Variants in GPR55 observed in about 807,000 individuals in gnomAD.
GPR55 encodes G protein-coupled receptor 55.
In GPR55, 6 loss-of-function variants were observed where a neutral mutation model predicts 7.9. That is an observed-to-expected ratio of 0.76 (90% CI 0.41 to 1.49). The LOEUF (loss-of-function observed/expected upper bound fraction) is 1.49. GPR55 is among the 40% of genes most tolerant of loss of function. The pLI is 0.01. For missense variants in GPR55, 376 were observed against 406.0 expected, an observed-to-expected ratio of 0.93 and a Z score of 0.63; for synonymous variants, 183 against 166.8, an observed-to-expected ratio of 1.10 and a Z score of -0.75.
At position 230,909,943 on chromosome 2, in the gene GPR55, G is replaced by C. The variant is rs1338502875; in HGVS notation, c.*60C>G. ...CCACCACATCAAAACCCTGGAACGC[G>C]ATATCCGTTACCAGAATTCAGGGCC... On this transcript the variant is annotated 3_prime_UTR_variant, in exon 2 of 2. Transcript: ENST00000650999. 6 of 1,515,326 alleles carry C rather than the reference G, an allele frequency of 4.0e-6. No homozygotes were observed. Among genetic ancestry groups the C allele is most frequent in the Non-Finnish European group, 5.4e-6 (6 of 1,113,288 alleles). 93.9% of individuals were successfully genotyped at this position (1,515,326 alleles called of 1,614,324 possible).
intron 1 of GPR55, among the ~76,000 whole-genome samples, chr2:230,948,733 A>G (rs1691354736): frequency 6.6e-6 from 1 of 152,230 alleles, no homozygotes. Flanking sequence ...TTCCCCAATT[A>G]TAGGTCATTT....
chr2:230,955,861 G>A (rs889685941), intron 1 of GPR55, among the ~76,000 whole-genome samples: 2 of 151,976 alleles, frequency 1.3e-5, no homozygotes, highest in African/African-American at 4.8e-5. Flanking sequence ...TGAGTAGCTG[G>A]GACTACAGGC....
chr2:230,948,348 C>T (rs1325332344), intron 1 of GPR55, among the ~76,000 whole-genome samples: 1 of 152,220 alleles, frequency 6.6e-6, no homozygotes, highest in African/African-American at 2.4e-5. Flanking sequence ...GGCTGCTCTC[C>T]ACACACCTCC....
intron 1 of GPR55, among the ~76,000 whole-genome samples, chr2:230,945,423 GA>G (rs779273478): frequency 7.3e-4 from 109 of 150,258 alleles, no homozygotes; most frequent in African/African-American, 1.4e-3. Flanking sequence ...AAGGAAAGGG[GA>G]AAAAAAAAGG....
Position 230,923,198 on chromosome 2 carries a change from C to G in GPR55, c.-135+1970G>C, listed in dbSNP as rs1342973814. Among the ~76,000 whole-genome samples the G allele has an allele frequency of 6.6e-6, 1 of 152,208 alleles. No individual in the cohort carries two copies. Among genetic ancestry groups the G allele is most frequent in the East Asian group, 1.9e-4 (1 of 5,200 alleles). ...GCTCCACACCAGACCTACCTTTCTTCCCTCTGTGGCCTGGACTTTCCAGAG... is the reference window on the plus strand; with the variant it reads ...GCTCCACACCAGACCTACCTTTCTTGCCTCTGTGGCCTGGACTTTCCAGAG... On this transcript the variant is annotated intron_variant, in intron 1 of 1. Transcript: ENST00000650999. This position sits in a 1 kb window ranked among gnomAD's most constrained non-coding sequence, Gnocchi z 4.1.
chr2:230,917,323 A>C (rs1690738008), intron 1 of GPR55, among the ~76,000 whole-genome samples: 1 of 152,250 alleles, frequency 6.6e-6, no homozygotes, highest in Non-Finnish European at 1.5e-5. Context: ...TAATATGATT[A>C]ATACAGTTTA....
intron 1 of GPR55, among the ~76,000 whole-genome samples, chr2:230,950,491 C>G (rs555176400): frequency 6.6e-6 from 1 of 152,264 alleles, no homozygotes; most frequent in East Asian, 1.9e-4. Context: ...AGCCTCAGAC[C>G]TCATAACGAG....
intron 1 of GPR55, among the ~76,000 whole-genome samples, chr2:230,931,822 C>A (rs941889905): frequency 6.6e-6 from 1 of 152,122 alleles, no homozygotes; most frequent in Admixed American, 6.5e-5. Context: ...CCCGGGCCAC[C>A]CCTGGCCCAG....
At chr2:230,915,906 G>A (rs1320181232) in intron 1 of GPR55, among the ~76,000 whole-genome samples, 3 of 152,074 alleles carry the variant, frequency 2.0e-5, no homozygotes, top group East Asian at 1.9e-4. Flanking sequence ...AAAAACAACC[G>A]CCCCAAAACT....
chr2:230,926,240 T>C (rs1690938381), upstream of GPR55, among the ~76,000 whole-genome samples: 1 of 152,238 alleles, frequency 6.6e-6, no homozygotes. Flanking sequence ...GAGCTGGGTC[T>C]TCCCACTGTC....
At chr2:230,949,039 A>G (rs1691360111) in intron 1 of GPR55, among the ~76,000 whole-genome samples, 1 of 152,236 alleles carries the variant, frequency 6.6e-6, no homozygotes, top group South Asian at 2.1e-4. Context: ...ACCGCACTCC[A>G]GCCTTGGCAA....
At chr2:230,949,250 G>A (rs915659142) in intron 1 of GPR55, among the ~76,000 whole-genome samples, 1 of 152,130 alleles carries the variant, frequency 6.6e-6, no homozygotes, top group African/African-American at 2.4e-5. Context: ...TGCAACGTCT[G>A]TCTCCCGGGT....
Position 230,947,846 on chromosome 2 carries a change from GGT to G in GPR55, c.-135+12927_-135+12928del, listed in dbSNP as rs796932698. On this transcript the variant is annotated intron_variant, in intron 1 of 1. Transcript: ENST00000392039. ...AGTACCATTGTGTTCAACTTCAGCT[GGT>G]GCCCCCCCTCCAACTCCTAACATAG... Among the ~76,000 whole-genome samples, 545 of 152,122 alleles carry G rather than the reference GGT, an allele frequency of 3.6e-3. 3 individuals carry two copies. The highest frequency in any genetic ancestry group is 0.012 in the African/African-American group (517 of 41,476).
At chr2:230,943,592 T>C (rs1443826994) in intron 1 of GPR55, among the ~76,000 whole-genome samples, 2 of 152,100 alleles carry the variant, frequency 1.3e-5, no homozygotes, top group African/African-American at 4.8e-5. Flanking sequence ...TCTGATGGAG[T>C]TTGGGTGTTG....
chr2:230,921,170 G>A (rs1690826648), intron 1 of GPR55, among the ~76,000 whole-genome samples: 1 of 152,106 alleles, frequency 6.6e-6, no homozygotes, highest in African/African-American at 2.4e-5. Context: ...CAGCAAACAA[G>A]TACATAATGG....
chr2:230,958,013 A>G lies in GPR55; in HGVS notation c.-135+2762T>C, dbSNP rs996359982. 95 of 324,450 alleles carry G rather than the reference A, an allele frequency of 2.9e-4. 1 individual carries two copies. The highest frequency in any genetic ancestry group is 2.0e-3 in the African/African-American group (92 of 45,422). The allele number at this position is 324,450 out of a possible 1,614,324, so 20.1% of individuals were successfully genotyped here. A position where few individuals can be genotyped will look rare whatever the true frequency, so the allele number is the denominator to read the frequency against. Reference sequence around the variant, plus strand: ...GTCAGTGTGAACAAAGCTAAGCTCAACCACATAAAACATTTTATGTACAAT... The same window carrying G: ...GTCAGTGTGAACAAAGCTAAGCTCAGCCACATAAAACATTTTATGTACAAT... On this transcript the variant is annotated intron_variant, in intron 1 of 1. Coordinates refer to the GPR55 transcript ENST00000392039.
chr2:230,960,479 C>T (rs1691550884), intron 1 of GPR55, among the ~76,000 whole-genome samples: 1 of 151,774 alleles, frequency 6.6e-6, no homozygotes, highest in Admixed American at 6.6e-5. Context: ...AGATGTTTTC[C>T]TATAGTCTTT....
chr2:230,919,201 A>G (rs976894329), intron 1 of GPR55, among the ~76,000 whole-genome samples: 4 of 152,170 alleles, frequency 2.6e-5, no homozygotes, highest in African/African-American at 9.6e-5. Context: ...GAAAAACTAG[A>G]TGAAAATTTA....
rs1444878924 is a variant in GPR55, at chr2:230,909,273, A to T, written c.*730T>A. The stretch of plus-strand genomic sequence containing the variant: ...GGGCCTGTCTTCTTCCTTCCCCAGA[A>T]GTGTCCTTTCCTCTCCCCCCTCATG... On this transcript the variant is annotated 3_prime_UTR_variant, in exon 2 of 2. Coordinates refer to ENST00000650999, the MANE Select transcript of GPR55 (RefSeq NM_005683.4). 6.6e-6 allele frequency: 1 copy of T among 152,592 alleles called. No homozygotes were observed. The highest frequency in any genetic ancestry group is 2.4e-5 in the African/African-American group (1 of 41,432). The allele number at this position is 152,592 out of a possible 1,614,324, so 9.5% of individuals were successfully genotyped here. A position where few individuals can be genotyped will look rare whatever the true frequency, so the allele number is the denominator to read the frequency against.
Sources: allele counts gnomAD v4.1 joint callset (sites outside exome capture counted in the v4.1 genomes callset), GRCh38; gene constraint gnomAD v4.1.1; non-coding constraint Gnocchi (gnomAD v3.1); transcripts MANE v1.5; gene names NCBI Gene and HGNC (gene_info 2026-07-23, HGNC 2026-07-21).